The following AGAP1 variants were observed in gnomAD, a reference collection of about 807,000 sequenced individuals.
AGAP1 encodes the protein ArfGAP with GTPase domain, ankyrin repeat and PH domain 1, also known as arf-GAP with GTPase, ANK repeat and PH domain-containing protein 1.
A neutral mutation model predicts 105.3 loss-of-function variants in AGAP1; 29 were observed. The observed-to-expected ratio is 0.28, with a 90% CI of 0.21 to 0.38. AGAP1 has a LOEUF of 0.38. Ranked by LOEUF, AGAP1 falls within the 10% of genes least tolerant of loss-of-function variation. The pLI, the probability that AGAP1 is intolerant of heterozygous loss-of-function variation, is 1.00. For missense variants in AGAP1, 998 were observed against 1,165.1 expected, an observed-to-expected ratio of 0.86 and a Z score of 2.09; for synonymous variants, 509 against 485.9, an observed-to-expected ratio of 1.05 and a Z score of -0.63.
In AGAP1 at chr2:236,058,665, A is replaced by T. The variant is rs2058109487; in HGVS notation, c.2114+9384A>T. 6.6e-6 allele frequency among the ~76,000 whole-genome samples: 1 copy of T among 152,194 alleles called. No individual in the cohort carries two copies. Among genetic ancestry groups the T allele is most frequent in the Non-Finnish European group, 1.5e-5 (1 of 68,036 alleles). On this transcript the variant is annotated intron_variant, in intron 16 of 17. Coordinates refer to ENST00000304032, the MANE Select transcript of AGAP1 (RefSeq NM_001037131.3). The surrounding 1 kb of genome is among the most constrained non-coding windows in gnomAD (Gnocchi z 4.6). ...GCAGGCTTTTCCCCTAAGATCACAA[A>T]CAAGACAAGAATGTCACCAGATCTG...
intron 13 of AGAP1, among the ~76,000 whole-genome samples, chr2:236,010,125 A>AAAAC (rs1422854748): frequency 7.2e-5 from 11 of 152,050 alleles, no homozygotes; most frequent in African/African-American, 2.7e-4. Context: ...TAAAAAAAAA[A>AAAAC]AAAACAAAAA....
At chr2:235,558,294 C>G (rs1459399643) in intron 1 of AGAP1, among the ~76,000 whole-genome samples, 1 of 152,192 alleles carries the variant, frequency 6.6e-6, no homozygotes. Flanking sequence ...TCACCTCCTT[C>G]TCATCACCTC....
At chr2:235,881,110 A>C (rs1306994523) in intron 9 of AGAP1, among the ~76,000 whole-genome samples, 1 of 152,184 alleles carries the variant, frequency 6.6e-6, no homozygotes, top group African/African-American at 2.4e-5. Flanking sequence ...TTTTCCCTTA[A>C]GCAACAATGT....
chr2:235,891,752 T>TC lies in AGAP1; in HGVS notation c.1155+8305dup, dbSNP rs2050556609. Among the ~76,000 whole-genome samples the TC allele has an allele frequency of 1.3e-5, 2 of 152,140 alleles. No homozygotes were observed. The highest frequency in any genetic ancestry group is 1.3e-4 in the Admixed American group (2 of 15,270). ...CCTGTCTAGGAAAGCTCACCAGTGT[T>TC]CCGGTCCTGGCTCTCTGGGCTTCCT... On this transcript the variant is annotated intron_variant, in intron 10 of 17. Transcript: ENST00000304032. The surrounding 1 kb of genome is among the most constrained non-coding windows in gnomAD (Gnocchi z 4.2).
rs1308067331 is a variant in AGAP1 at position 235,599,599 on chromosome 2, C to T, written c.163+104750C>T. ...CTCTGCTTTGGAGAACTGCGGATCC[C>T]CTGCCATGGCCCATGTGGCTCCGGA... On this transcript the variant is annotated intron_variant, in intron 1 of 17. Transcript: ENST00000304032. The surrounding 1 kb of genome is among the most constrained non-coding windows in gnomAD (Gnocchi z 5.3). Among the ~76,000 whole-genome samples the T allele has an allele frequency of 6.6e-6, 1 of 152,220 alleles. No individual in the cohort carries two copies. Among genetic ancestry groups the T allele is most frequent in the Admixed American group, 6.5e-5 (1 of 15,280 alleles).
rs1000922931 is a variant in AGAP1, at chr2:235,960,692, C to G, written c.1484-7770C>G. ...AGAAATTTGATAGGCATTCTCTTCA[C>G]TCTAGAAATCAGCCCCGTGGGACAG... On this transcript the variant is annotated intron_variant, in intron 12 of 17. Coordinates refer to ENST00000304032, the MANE Select transcript of AGAP1 (RefSeq NM_001037131.3). The surrounding 1 kb of genome is among the most constrained non-coding windows in gnomAD (Gnocchi z 4.9). Among the ~76,000 whole-genome samples the G allele has an allele frequency of 1.9e-4, 29 of 152,236 alleles. No homozygotes were observed. The highest frequency in any genetic ancestry group is 6.8e-4 in the African/African-American group (28 of 41,468).
At position 235,599,626 on chromosome 2, in the gene AGAP1, G is replaced by A. The variant is rs1574937419; in HGVS notation, c.163+104777G>A. Reference sequence around the variant, plus strand: ...TGCCATGGCCCATGTGGCTCCGGAAGTTCCTGGGAGTGGCTCGTAGAGCCT... The same window carrying A: ...TGCCATGGCCCATGTGGCTCCGGAAATTCCTGGGAGTGGCTCGTAGAGCCT... On this transcript the variant is annotated intron_variant, in intron 1 of 17. Coordinates refer to ENST00000304032, the MANE Select transcript of AGAP1 (RefSeq NM_001037131.3). The surrounding 1 kb of genome is among the most constrained non-coding windows in gnomAD (Gnocchi z 5.3). Among the ~76,000 whole-genome samples the A allele has an allele frequency of 4.6e-5, 7 of 152,342 alleles. 1 individual carries two copies. Among genetic ancestry groups the A allele is most frequent in the Admixed American group, 4.6e-4 (7 of 15,304 alleles).
intron 1 of AGAP1, among the ~76,000 whole-genome samples, chr2:235,496,448 C>T (rs925955147): frequency 3.9e-5 from 6 of 152,308 alleles, no homozygotes; most frequent in East Asian, 3.9e-4. Flanking sequence ...AGCAAGGTTC[C>T]TCCAGAGCTC....
Position 236,121,917 on chromosome 2 carries a change from C to T in AGAP1, c.2370+1470C>T, listed in dbSNP as rs1474749302. Among the ~76,000 whole-genome samples the T allele has an allele frequency of 3.3e-5, 5 of 152,076 alleles. No individual in the cohort carries two copies. The highest frequency in any genetic ancestry group is 1.2e-4 in the African/African-American group (5 of 41,398). ...CTCCCTATGTTCTCACAGGGCCTTT[C>T]CTCTGCACTCGCTCCTGGTAGCTCT... On this transcript the variant is annotated intron_variant, in intron 17 of 17. Coordinates refer to ENST00000304032, the MANE Select transcript of AGAP1 (RefSeq NM_001037131.3). The surrounding 1 kb of genome is among the most constrained non-coding windows in gnomAD (Gnocchi z 4.9).
rs923731208 is a variant in AGAP1, at chr2:235,865,530, G to A, written c.1051-17815G>A. On this transcript the variant is annotated intron_variant, in intron 9 of 17. Coordinates refer to ENST00000304032, the MANE Select transcript of AGAP1 (RefSeq NM_001037131.3). This position sits in a 1 kb window ranked among gnomAD's most constrained non-coding sequence, Gnocchi z 6.2. ...GACAGAAATATTACTCGCCGGAAAG[G>A]GGAGGGGGTCTTTGGGGAGCTGGTT... Among the ~76,000 whole-genome samples the A allele has an allele frequency of 2.0e-5, 3 of 152,184 alleles. No homozygotes were observed. Among genetic ancestry groups the A allele is most frequent in the Non-Finnish European group, 2.9e-5 (2 of 68,040 alleles).
At chr2:235,508,274 C>T (rs1000603664) in intron 1 of AGAP1, among the ~76,000 whole-genome samples, 1 of 152,114 alleles carries the variant, frequency 6.6e-6, no homozygotes, top group Non-Finnish European at 1.5e-5. Flanking sequence ...TATATAGACA[C>T]AATAGAACAA....
chr2:235,621,212 G>T lies in AGAP1; in HGVS notation c.164-87967G>T, dbSNP rs941606133. Among the ~76,000 whole-genome samples, 1 of 152,066 alleles carries T rather than the reference G, an allele frequency of 6.6e-6. No homozygotes were observed. Among genetic ancestry groups the T allele is most frequent in the Non-Finnish European group, 1.5e-5 (1 of 68,012 alleles). On this transcript the variant is annotated intron_variant, in intron 1 of 17. Transcript: ENST00000304032. The surrounding 1 kb of genome is among the most constrained non-coding windows in gnomAD (Gnocchi z 4.1). Reference sequence around the variant, plus strand: ...ATTTTTTGTATTTTTAGTACAGATAGGGATTCACCGTGTTGGCCAGGGTGG... The same window carrying T: ...ATTTTTTGTATTTTTAGTACAGATATGGATTCACCGTGTTGGCCAGGGTGG...
chr2:235,859,843 C>T (rs758732048), intron 9 of AGAP1, among the ~76,000 whole-genome samples: 4 of 152,308 alleles, frequency 2.6e-5, no homozygotes, highest in Middle Eastern at 3.4e-3. Context: ...GCTCCTCTTT[C>T]GCCAGCAAGA....
intron 9 of AGAP1, among the ~76,000 whole-genome samples, chr2:235,811,759 G>A (rs1479378692): frequency 6.6e-6 from 1 of 152,244 alleles, no homozygotes; most frequent in Non-Finnish European, 1.5e-5. Context: ...TCTGGCCAGG[G>A]TGTCTCACGC....
intron 10 of AGAP1, among the ~76,000 whole-genome samples, chr2:235,885,385 A>G (rs531388438): frequency 1.9e-4 from 29 of 152,188 alleles, no homozygotes; most frequent in Non-Finnish European, 3.8e-4. Context: ...ATTTACTTTC[A>G]GTTTTTTCAC....
chr2:236,127,178 G>A lies in AGAP1; in HGVS notation c.*3056G>A, dbSNP rs1029578966. ...GAGACTGAACTTGGCGGGGAGTGGA[G>A]GGGTGTGGTGCAGACCTGGCTGCAG... is the stretch of plus-strand genomic sequence containing the variant. On this transcript the variant is annotated 3_prime_UTR_variant, in exon 18 of 18. Coordinates refer to ENST00000304032, the MANE Select transcript of AGAP1 (RefSeq NM_001037131.3). This position sits in a 1 kb window ranked among gnomAD's most constrained non-coding sequence, Gnocchi z 6.6. 2.6e-5 allele frequency: 4 copies of A among 152,228 alleles called. No homozygotes were observed. Among genetic ancestry groups the A allele is most frequent in the African/African-American group, 9.7e-5 (4 of 41,448 alleles). 9.4% of individuals were successfully genotyped at this position (152,228 alleles called of 1,614,324 possible). A position where few individuals can be genotyped will look rare whatever the true frequency, so the allele number is the denominator to read the frequency against.
rs1950225200 is a variant in AGAP1 at position 235,700,997 on chromosome 2, CTATAATATAGTTATATGTATATATT to C, written c.164-8181_164-8157del. On this transcript the variant is annotated intron_variant, in intron 1 of 17. Transcript: ENST00000304032. This position sits in a 1 kb window ranked among gnomAD's most constrained non-coding sequence, Gnocchi z 6.1. ...ATTATATATGTATATATTATATATGCTATAATATAGTTATATGTATATATTATATATGCTATAATATAGTTATATG... is the reference window on the plus strand; with the variant it reads ...ATTATATATGTATATATTATATATGCATATATGCTATAATATAGTTATATG... Among the ~76,000 whole-genome samples the C allele has an allele frequency of 8.8e-5, 6 of 68,226 alleles. No individual in the cohort carries two copies. In the East Asian group the frequency reaches 4.5e-3, roughly 51 times the overall value. 44.8% of individuals were successfully genotyped at this position (68,226 alleles called of 152,430 possible).
chr2:235,613,519 A>G (rs996396816), intron 1 of AGAP1, among the ~76,000 whole-genome samples: 2 of 152,206 alleles, frequency 1.3e-5, no homozygotes, highest in Non-Finnish European at 2.9e-5. Context: ...AGAAACCAAC[A>G]GAACTCTTCA....
intron 13 of AGAP1, among the ~76,000 whole-genome samples, chr2:235,969,188 T>G (rs2054533629): frequency 6.6e-6 from 1 of 152,316 alleles, no homozygotes; most frequent in South Asian, 2.1e-4. Flanking sequence ...ACCTGAGTGC[T>G]TCCTTAGTTT....
Sources: allele counts gnomAD v4.1 joint callset (sites outside exome capture counted in the v4.1 genomes callset), GRCh38; gene constraint gnomAD v4.1.1; non-coding constraint Gnocchi (gnomAD v3.1); transcripts MANE v1.5; gene names NCBI Gene and HGNC (gene_info 2026-07-23, HGNC 2026-07-21).